CDH17: variants seen among roughly 807,000 people sequenced by gnomAD.
The protein encoded by CDH17 is cadherin 17, also known as cadherin-17.
In CDH17, 67 loss-of-function variants were observed where a neutral mutation model predicts 86.3. The ratio of observed to expected loss-of-function variants is 0.78; its 90% confidence interval spans 0.64 to 0.95. The LOEUF (loss-of-function observed/expected upper bound fraction) is 0.95, where lower values mean the gene tolerates loss of function less well. Among genes scored for constraint, CDH17 ranks in the 40% least tolerant of loss-of-function variants. CDH17 has a pLI of 0.00. For missense variants in CDH17, 993 were observed against 1,017.6 expected, an observed-to-expected ratio of 0.98 and a Z score of 0.33; for synonymous variants, 367 against 366.4, an observed-to-expected ratio of 1.00 and a Z score of -0.02.
At chr8:94,153,106 A>G (rs1184740350) in intron 12 of CDH17, among the ~76,000 whole-genome samples, 1 of 152,186 alleles carries the variant, frequency 6.6e-6, no homozygotes. Flanking sequence ...AGGAGAAAAT[A>G]TTTGCAAATA....
chr8:94,131,204 C>T (rs1465054820), intron 15 of CDH17, among the ~76,000 whole-genome samples: 1 of 152,176 alleles, frequency 6.6e-6, no homozygotes, highest in African/African-American at 2.4e-5. Flanking sequence ...CATGATTTCT[C>T]TGTAGAAATT....
Position 94,199,057 on chromosome 8 carries a change from ATATATATATATATATATATATATATATTT to A in CDH17, c.-20-4381_-20-4353del, listed in dbSNP as rs1307887962. Among the ~76,000 whole-genome samples, 22 of 27,008 alleles carry A rather than the reference ATATATATATATATATATATATATATATTT, an allele frequency of 8.1e-4. 1 individual carries two copies. The highest frequency in any genetic ancestry group is 2.8e-3 in the South Asian group (3 of 1,058). The allele number at this position is 27,008 out of a possible 152,430, so 17.7% of individuals were successfully genotyped here. A position where few individuals can be genotyped will look rare whatever the true frequency, so the allele number is the denominator to read the frequency against. ...CTGATTGATATATATATATATATAT[ATATATATATATATATATATATATATATTT>A]TTTTTTTTTTATCATTTGTCTGTTA... On this transcript the variant is annotated intron_variant, in intron 1 of 17. Transcript: ENST00000027335.
In CDH17 at chr8:94,177,574, G is replaced by A. The variant is rs780116123; in HGVS notation, c.285+13C>T. ...AGGTTGGAGTTAGATCCCTTCAGCT[G>A]GTATCAATTTACCTGGAGATTGTGA... On this transcript the variant is annotated intron_variant, in intron 4 of 17. Transcript: ENST00000027335. 2.5e-6 allele frequency: 4 copies of A among 1,613,306 alleles called. No homozygotes were observed. In the African/African-American group the frequency reaches 4.0e-5, roughly 16 times the overall value.
intron 17 of CDH17, among the ~76,000 whole-genome samples, chr8:94,129,870 T>C (rs1318508716): frequency 6.6e-6 from 1 of 152,206 alleles, no homozygotes; most frequent in Non-Finnish European, 1.5e-5. Flanking sequence ...GTGTATAAAA[T>C]GTTTATGAAT....
At chr8:94,159,496 AC>A (rs1426686320) in intron 12 of CDH17, among the ~76,000 whole-genome samples, 19 of 152,288 alleles carry the variant, frequency 1.2e-4, no homozygotes, top group African/African-American at 4.6e-4. Context: ...GGGTCATCCA[AC>A]CCAACTCCTC....
At chr8:94,197,860 A>G (rs1414671507) in intron 1 of CDH17, among the ~76,000 whole-genome samples, 1 of 151,712 alleles carries the variant, frequency 6.6e-6, no homozygotes, top group Non-Finnish European at 1.5e-5. Flanking sequence ...AAAAAAAGAA[A>G]AAGTTTGTGC....
chr8:94,170,189 A>G (rs1813239639), intron 9 of CDH17, among the ~76,000 whole-genome samples: 1 of 152,180 alleles, frequency 6.6e-6, no homozygotes, highest in Non-Finnish European at 1.5e-5. Flanking sequence ...CGGTAATGGT[A>G]GCTATAAAAG....
At chr8:94,201,332 T>C (rs1213472973) in intron 1 of CDH17, among the ~76,000 whole-genome samples, 1 of 152,176 alleles carries the variant, frequency 6.6e-6, no homozygotes, top group Non-Finnish European at 1.5e-5. Context: ...AAAAAGCATA[T>C]GTTGGAGTCC....
intron 15 of CDH17, among the ~76,000 whole-genome samples, chr8:94,137,405 T>C (rs1812550844): frequency 2.0e-5 from 3 of 152,174 alleles, no homozygotes; most frequent in African/African-American, 7.2e-5. Flanking sequence ...ACTGCTGTGC[T>C]AACAGTGAAC....
chr8:94,153,752 A>G (rs1056507990), intron 12 of CDH17, among the ~76,000 whole-genome samples: 1 of 152,220 alleles, frequency 6.6e-6, no homozygotes, highest in Non-Finnish European at 1.5e-5. Context: ...TTGTGATAAC[A>G]CGGATGAACC....
chr8:94,162,922 C>A (rs1056173775), intron 10 of CDH17, among the ~76,000 whole-genome samples: 4 of 152,174 alleles, frequency 2.6e-5, no homozygotes, highest in South Asian at 2.1e-4. Flanking sequence ...GTTGTTCTAA[C>A]CATGGTGCAC....
intron 2 of CDH17, among the ~76,000 whole-genome samples, chr8:94,193,760 GAACTGC>G (rs1353860067): frequency 6.6e-6 from 1 of 152,102 alleles, no homozygotes; most frequent in East Asian, 1.9e-4. Context: ...CATAAAGTTT[GAACTGC>G]AGATTTCCCC....
chr8:94,195,353 A>G (rs1813763099), intron 1 of CDH17, among the ~76,000 whole-genome samples: 2 of 152,152 alleles, frequency 1.3e-5, no homozygotes, highest in South Asian at 4.1e-4. Flanking sequence ...GGCAGATTCC[A>G]GGATAACTAA....
intron 11 of CDH17, among the ~76,000 whole-genome samples, chr8:94,161,451 T>C (rs1380972293): frequency 1.3e-5 from 2 of 152,196 alleles, no homozygotes; most frequent in Admixed American, 6.5e-5. Flanking sequence ...TCCTTCAAAA[T>C]AGAGACTTCC....
chr8:94,165,245 C>T (rs1341619219), intron 10 of CDH17, among the ~76,000 whole-genome samples: 1 of 152,178 alleles, frequency 6.6e-6, no homozygotes, highest in East Asian at 1.9e-4. Flanking sequence ...GGACTGTACA[C>T]AGCCAGTGAC....
At chr8:94,169,920 C>T (rs74592389) in intron 9 of CDH17, among the ~76,000 whole-genome samples, 8,037 of 152,030 alleles carry the variant, frequency 0.053, 709 homozygotes, top group African/African-American at 0.18. Context: ...GAAAGGGGGG[C>T]CCAAGGGTCA....
At chr8:94,166,043 C>G (rs1193755123) in intron 9 of CDH17, 67 bp from the exon 10 acceptor site, 1 of 914,746 alleles carries the variant, frequency 1.1e-6, no homozygotes, top group African/African-American at 1.7e-5. Flanking sequence ...AATAGTTTCA[C>G]TAAAATAAGC....
intron 3 of CDH17, among the ~76,000 whole-genome samples, chr8:94,180,489 T>C (rs577060799): frequency 6.6e-6 from 1 of 152,176 alleles, no homozygotes; most frequent in East Asian, 1.9e-4. Flanking sequence ...TCATAAACAT[T>C]TGAAAGATAG....
intron 7 of CDH17, 115 bp downstream of exon 7, chr8:94,173,682 A>G (rs1362254786): frequency 1.2e-6 from 1 of 809,414 alleles, no homozygotes; most frequent in Non-Finnish European, 2.1e-6. Context: ...CTTTATAATC[A>G]TGCTATGAAA....
Sources: allele counts gnomAD v4.1 joint callset (sites outside exome capture counted in the v4.1 genomes callset), GRCh38; gene constraint gnomAD v4.1.1; transcripts MANE v1.5; gene names NCBI Gene and HGNC (gene_info 2026-07-23, HGNC 2026-07-21).